EFNB2: variants seen among roughly 807,000 people sequenced by gnomAD.
EFNB2 encodes the protein ephrin B2.
In EFNB2, 5 loss-of-function variants were observed where a neutral mutation model predicts 32.1. The ratio of observed to expected loss-of-function variants is 0.16; its 90% CI spans 0.08 to 0.33. The LOEUF (loss-of-function observed/expected upper bound fraction) is 0.33, where lower values mean the gene tolerates loss of function less well. Among genes scored for constraint, EFNB2 ranks in the 10% least tolerant of loss-of-function variants. The probability of loss-of-function intolerance (pLI) is 1.00; values close to 1 mark genes in which losing one functional copy is unlikely to be tolerated. For synonymous variants in EFNB2, 168 were observed against 166.5 expected, an observed-to-expected ratio of 1.01 and a Z score of -0.07; for missense variants, 263 against 422.6, an observed-to-expected ratio of 0.62 and a Z score of 3.31.
At chr13:106,495,080 G>C in intron 3 of EFNB2, 86 bp from the exon 4 acceptor site, 2 of 985,354 alleles carry the variant, frequency 2.0e-6, no homozygotes, top group Non-Finnish European at 3.2e-6. Context: ...CAACAGGCAT[G>C]AATAGCAATG....
chr13:106,514,586 A>G (rs1455971386), intron 1 of EFNB2, among the ~76,000 whole-genome samples: 5 of 152,318 alleles, frequency 3.3e-5, no homozygotes, highest in South Asian at 2.1e-4. Flanking sequence ...TAAATTCCAT[A>G]AACATTAAAT....
chr13:106,493,062 G>A lies in EFNB2; in HGVS notation c.980C>T (p.Ala327Val), dbSNP rs776275451. The A allele has an allele frequency of 6.2e-6, 10 of 1,611,890 alleles. No individual in the cohort carries two copies. Among genetic ancestry groups the A allele is most frequent in the Admixed American group, 1.7e-5 (1 of 59,980 alleles). ...CTCTCAGACCTTGTAGTAAATGTTCGCCGGGCTCTGCGGGGGCATCTCCTG... is the reference window on the plus strand; with the variant it reads ...CTCTCAGACCTTGTAGTAAATGTTCACCGGGCTCTGCGGGGGCATCTCCTG... ...IVQEMPPQSP[A>V]NIYYKV Residue 327 changes from alanine (A) to valine (V), a missense_variant, in exon 5 of 5, where the codon GCG becomes GTG. Transcript: ENST00000646441. The surrounding 1 kb of genome is among the most constrained non-coding windows in gnomAD (Gnocchi z 6.1).
chr13:106,519,588 G>A (rs1464052223), intron 1 of EFNB2: 2 of 152,082 alleles, frequency 1.3e-5, no homozygotes, highest in Non-Finnish European at 2.9e-5. Context: ...ATCATTGTAA[G>A]CAGATGGCTA....
At chr13:106,501,871 C>CGT (rs1878795956) in intron 2 of EFNB2, among the ~76,000 whole-genome samples, 1 of 152,134 alleles carries the variant, frequency 6.6e-6, no homozygotes, top group Admixed American at 6.5e-5. Context: ...GGATTACAGG[C>CGT]GTGAGCCACC....
chr13:106,526,885 T>C (rs1447148067), intron 1 of EFNB2, among the ~76,000 whole-genome samples: 1 of 152,208 alleles, frequency 6.6e-6, no homozygotes, highest in Non-Finnish European at 1.5e-5. Flanking sequence ...CTTCTGGCTC[T>C]GAAGGTCGGA....
At chr13:106,504,505 T>G (rs1201877985) in intron 2 of EFNB2, among the ~76,000 whole-genome samples, 3 of 152,192 alleles carry the variant, frequency 2.0e-5, no homozygotes, top group Non-Finnish European at 4.4e-5. Context: ...TGCCCCTATC[T>G]AAATTTGCCC....
intron 1 of EFNB2, among the ~76,000 whole-genome samples, chr13:106,532,056 T>TA (rs992403515): frequency 1.6e-3 from 144 of 92,604 alleles, no homozygotes; most frequent in Middle Eastern, 0.011. Flanking sequence ...TCTGCTGAAT[T>TA]AAAAAAAAAA....
rs779853033 is a variant in EFNB2 at position 106,494,981 on chromosome 13, AGCAGAAC to A, written c.506_512del (p.Ser169MetfsTer15). 4 of 1,614,080 alleles carry A rather than the reference AGCAGAAC, an allele frequency of 2.5e-6. No individual in the cohort carries two copies. The highest frequency in any genetic ancestry group is 3.4e-6 in the Non-Finnish European group (4 of 1,179,912). ...TTGGATCTTTATTCCTGGTTGATCCAGCAGAACTTGCATCTATATGAAAAACAAATGA... is the reference window on the plus strand; with the variant it reads ...TTGGATCTTTATTCCTGGTTGATCCATTGCATCTATATGAAAAACAAATGA... On this transcript the variant is annotated frameshift_variant, in exon 4 of 5. Coordinates refer to ENST00000646441, the MANE Select transcript of EFNB2 (RefSeq NM_004093.4). LOFTEE classifies it high-confidence loss of function.
chr13:106,494,629 G>T (rs1878529131), intron 4 of EFNB2, among the ~76,000 whole-genome samples: 1 of 152,206 alleles, frequency 6.6e-6, no homozygotes, highest in South Asian at 2.1e-4. Flanking sequence ...GCCTGACAGA[G>T]TAGTTCTAAT....
Position 106,493,544 on chromosome 13 carries a change from A to C in EFNB2, c.614-116T>G. 7.2e-7 allele frequency: 1 copy of C among 1,396,882 alleles called. No homozygotes were observed. The allele number at this position is 1,396,882 out of a possible 1,614,324, so 86.5% of individuals were successfully genotyped here. ...TAAGCCAGGCTTATTACTAACTAGA[A>C]GCTGGACTTTGCCTCGCCAATACCT... is the stretch of plus-strand genomic sequence containing the variant. On this transcript the variant is annotated intron_variant, in intron 4 of 4. Coordinates refer to ENST00000646441, the MANE Select transcript of EFNB2 (RefSeq NM_004093.4). This position sits in a 1 kb window ranked among gnomAD's most constrained non-coding sequence, Gnocchi z 6.1.
intron 1 of EFNB2, chr13:106,519,875 G>A (rs1879442083): frequency 6.6e-6 from 1 of 152,068 alleles, no homozygotes; most frequent in South Asian, 2.1e-4. Context: ...TTAAAAATAA[G>A]CATTTAAAAT....
intron 2 of EFNB2, among the ~76,000 whole-genome samples, chr13:106,504,613 CCT>C (rs369818197): frequency 4.1e-4 from 62 of 152,290 alleles, no homozygotes; most frequent in African/African-American, 1.4e-3. Flanking sequence ...ACCTTCATCC[CCT>C]GTTTAACATC....
At chr13:106,498,423 T>C (rs887213761) in intron 2 of EFNB2, among the ~76,000 whole-genome samples, 48 of 152,330 alleles carry the variant, frequency 3.2e-4, no homozygotes, top group African/African-American at 1.1e-3. Context: ...TTTGATTTTT[T>C]TTTCTTTTAA....
At chr13:106,520,659 A>G (rs1272932079) in intron 1 of EFNB2, 5 of 152,366 alleles carry the variant, frequency 3.3e-5, no homozygotes, top group African/African-American at 1.2e-4. Context: ...ACAGCTTAAT[A>G]AGGTATTCTC....
In EFNB2 at chr13:106,512,511, G is replaced by A; in HGVS notation, c.406+18C>T. The stretch of plus-strand genomic sequence containing the variant: ...TTATCTTAATTTCTATAAAATAAAT[G>A]AATAAAATTATACTTACATATAATG... On this transcript the variant is annotated intron_variant, in intron 2 of 4. Coordinates refer to ENST00000646441, the MANE Select transcript of EFNB2 (RefSeq NM_004093.4). 3 of 1,449,324 alleles carry A rather than the reference G, an allele frequency of 2.1e-6. No individual in the cohort carries two copies. Among genetic ancestry groups the A allele is most frequent in the African/African-American group, 1.4e-5 (1 of 69,730 alleles). The allele number at this position is 1,449,324 out of a possible 1,614,324, so 89.8% of individuals were successfully genotyped here.
chr13:106,508,990 T>C (rs1188746280), intron 2 of EFNB2, among the ~76,000 whole-genome samples: 1 of 152,232 alleles, frequency 6.6e-6, no homozygotes, highest in Non-Finnish European at 1.5e-5. Flanking sequence ...CAGAGGATCA[T>C]GTCCATTTGA....
Position 106,493,239 on chromosome 13 carries a change from G to C in EFNB2, c.803C>G (p.Ser268Trp), listed in dbSNP as rs954164031. ...KHSPQHTTTL[S>W]LSTLATPKRS... ...CTTGGGTGTGGCCAGTGTGCTGAGC[G>C]ACAGCGTGGTCGTGTGCTGCGGCGA... Residue 268 changes from serine to tryptophan, a missense_variant, in exon 5 of 5, where the codon TCG becomes TGG. Transcript: ENST00000646441. The surrounding 1 kb of genome is among the most constrained non-coding windows in gnomAD (Gnocchi z 6.1). The C allele has an allele frequency of 6.2e-7, 1 of 1,614,074 alleles. No individual in the cohort carries two copies. Among genetic ancestry groups the C allele is most frequent in the African/African-American group, 1.3e-5 (1 of 74,928 alleles).
chr13:106,529,712 A>G (rs1879812788), intron 1 of EFNB2, among the ~76,000 whole-genome samples: 2 of 152,246 alleles, frequency 1.3e-5, no homozygotes, highest in African/African-American at 2.4e-5. Context: ...CATCTTATGA[A>G]CTGCATGGAT....
intron 1 of EFNB2, among the ~76,000 whole-genome samples, chr13:106,514,360 C>G (rs962509983): frequency 6.6e-6 from 1 of 152,130 alleles, no homozygotes; most frequent in Non-Finnish European, 1.5e-5. Flanking sequence ...GTGGTATCCC[C>G]TCAACCTTGT....
Sources: allele counts gnomAD v4.1 joint callset (sites outside exome capture counted in the v4.1 genomes callset), GRCh38; gene constraint gnomAD v4.1.1; non-coding constraint Gnocchi (gnomAD v3.1); transcripts MANE v1.5; gene names NCBI Gene and HGNC (gene_info 2026-07-23, HGNC 2026-07-21).